SLC8A1: variants seen among roughly 807,000 people sequenced by gnomAD.
SLC8A1 encodes the protein sodium/calcium exchanger 1.
SLC8A1 carries 18 observed loss-of-function variants against 68.3 expected under a neutral mutation model. The observed-to-expected ratio is 0.26, with a 90% CI of 0.18 to 0.39. The LOEUF (loss-of-function observed/expected upper bound fraction) is 0.39. SLC8A1 is among the 10% of genes least tolerant of loss of function. The pLI, the probability that SLC8A1 is intolerant of heterozygous loss-of-function variation, is 1.00. For synonymous variants in SLC8A1, 475 were observed against 415.5 expected (o/e 1.14, Z -1.74); for missense variants, 985 against 1,156.7 (o/e 0.85, Z 2.15).
chr2:40,447,434 C>A (rs1465860545), intron 1 of SLC8A1, among the ~76,000 whole-genome samples: 1 of 152,094 alleles, frequency 6.6e-6, no homozygotes, highest in African/African-American at 2.4e-5. Flanking sequence ...TTCCTGGGCA[C>A]TCACATCGCC....
chr2:40,410,205 C>T (rs907378648), intron 2 of SLC8A1, among the ~76,000 whole-genome samples: 3 of 151,968 alleles, frequency 2.0e-5, no homozygotes, highest in Middle Eastern at 3.4e-3. Flanking sequence ...AGTACCCCTC[C>T]GAGGGCAATG....
intron 2 of SLC8A1, among the ~76,000 whole-genome samples, chr2:40,329,160 A>G (rs2076158145): frequency 6.6e-6 from 1 of 151,930 alleles, no homozygotes. Context: ...CCAAACCTTT[A>G]TTCCTGCAGT....
chr2:40,474,237 A>C (rs548022651), intron 1 of SLC8A1, among the ~76,000 whole-genome samples: 16 of 152,284 alleles, frequency 1.1e-4, no homozygotes, highest in African/African-American at 3.9e-4. Context: ...ATACTTAGGA[A>C]TTAACAGATT....
chr2:40,220,855 T>C (rs559400163), intron 2 of SLC8A1, among the ~76,000 whole-genome samples: 7 of 151,884 alleles, frequency 4.6e-5, no homozygotes, highest in African/African-American at 1.7e-4. Context: ...CACTTCTTAA[T>C]AGTTGAATTT....
rs138028161 is a variant in SLC8A1 at position 40,386,910 on chromosome 2, G to A, written c.1808+41563C>T. ...TCCTTGTCTATCTTCAGTATGTGGT[G>A]GTTCTACTATAGCAGATCACTTCAA... On this transcript the variant is annotated intron_variant, in intron 2 of 7. Transcript: ENST00000406785. Among the ~76,000 whole-genome samples the A allele has an allele frequency of 1.6e-3, 248 of 151,228 alleles. 8 individuals carry two copies. Among genetic ancestry groups the A allele is most frequent in the African/African-American group, 5.8e-3 (235 of 40,674 alleles).
chr2:40,248,421 G>C (rs375241697), intron 2 of SLC8A1, among the ~76,000 whole-genome samples: 122 of 152,162 alleles, frequency 8.0e-4, no homozygotes, highest in African/African-American at 2.8e-3. Context: ...CATCTCCCTT[G>C]CCCTACCATC....
At chr2:40,232,752 CGCCA>C (rs2059844159) in intron 2 of SLC8A1, among the ~76,000 whole-genome samples, 3 of 87,332 alleles carry the variant, frequency 3.4e-5, no homozygotes, top group South Asian at 3.3e-4. Context: ...CCTCCCCCCC[CGCCA>C]CCCCACAACA....
chr2:40,399,212 A>G (rs1198609932), intron 2 of SLC8A1, among the ~76,000 whole-genome samples: 1 of 152,208 alleles, frequency 6.6e-6, no homozygotes, highest in Non-Finnish European at 1.5e-5. Flanking sequence ...TAAGCTTCCC[A>G]GCAAGAAATC....
chr2:40,110,900 C>T (rs757982593), exon 8 of SLC8A1: 4 of 152,124 alleles, frequency 2.6e-5, no homozygotes, highest in Non-Finnish European at 5.9e-5. Context: ...ATTGCTTCCA[C>T]AAAGTTATCA....
chr2:40,198,868 G>T (rs2053593235), intron 2 of SLC8A1, among the ~76,000 whole-genome samples: 1 of 151,542 alleles, frequency 6.6e-6, no homozygotes, highest in South Asian at 2.1e-4. Context: ...AGGGTTGAAG[G>T]GTTGGCTTGG....
chr2:40,426,073 A>C (rs1342548078), intron 2 of SLC8A1, among the ~76,000 whole-genome samples: 1 of 152,074 alleles, frequency 6.6e-6, no homozygotes, highest in East Asian at 1.9e-4. Context: ...CAATCAACAG[A>C]CCTATTTAGC....
chr2:40,385,527 GATA>G (rs1234893410), intron 2 of SLC8A1, among the ~76,000 whole-genome samples: 15 of 151,166 alleles, frequency 9.9e-5, no homozygotes, highest in African/African-American at 3.4e-4. Context: ...ACGGGATAAT[GATA>G]ATAATAACAT....
At chr2:40,331,796 T>C (rs2076440937) in intron 2 of SLC8A1, among the ~76,000 whole-genome samples, 1 of 152,064 alleles carries the variant, frequency 6.6e-6, no homozygotes, top group African/African-American at 2.4e-5. Context: ...GTTTTGCCAG[T>C]TGGCCAGGCT....
chr2:40,327,042 A>G (rs2075902455), intron 2 of SLC8A1, among the ~76,000 whole-genome samples: 1 of 152,200 alleles, frequency 6.6e-6, no homozygotes, highest in Non-Finnish European at 1.5e-5. Flanking sequence ...TAGTAATACA[A>G]TATACCTATT....
At chr2:40,216,213 T>G (rs1008778001) in intron 2 of SLC8A1, among the ~76,000 whole-genome samples, 1 of 152,092 alleles carries the variant, frequency 6.6e-6, no homozygotes, top group South Asian at 2.1e-4. Flanking sequence ...TGTCCATGTG[T>G]TCTCAATGTT....
intron 6 of SLC8A1, among the ~76,000 whole-genome samples, chr2:40,158,350 T>C (rs969955333): frequency 1.3e-5 from 2 of 152,228 alleles, no homozygotes; most frequent in Admixed American, 6.5e-5. Context: ...CTTCATGTAA[T>C]TGCGTATAAT....
At chr2:40,174,714 T>C (rs2048164455) in intron 4 of SLC8A1, 5 of 1,536,004 alleles carry the variant, frequency 3.3e-6, no homozygotes, top group Non-Finnish European at 4.5e-6. Flanking sequence ...ACCAAACAGG[T>C]ATTTTCCTTC....
intron 2 of SLC8A1, among the ~76,000 whole-genome samples, chr2:40,220,620 C>G (rs1032715403): frequency 6.6e-6 from 1 of 152,150 alleles, no homozygotes; most frequent in Non-Finnish European, 1.5e-5. Context: ...TAACTCCTAA[C>G]CTGGTCAATG....
At chr2:40,439,312 T>A (rs1330607364) in intron 1 of SLC8A1, among the ~76,000 whole-genome samples, 1 of 152,146 alleles carries the variant, frequency 6.6e-6, no homozygotes, top group Non-Finnish European at 1.5e-5. Flanking sequence ...CAGAGACCTA[T>A]TCAGTTTCTA....
Sources: gnomAD v4.1 joint callset for allele counts (sites outside exome capture counted in the v4.1 genomes callset) on GRCh38, gnomAD v4.1.1 for gene constraint, MANE v1.5 for transcripts, NCBI Gene and HGNC (gene_info 2026-07-23, HGNC 2026-07-21) for gene names.